Variants in LMBRD1 observed in about 807,000 individuals in gnomAD.
LMBRD1 encodes the protein lysosomal cobalamin transport escort protein LMBD1.
LMBRD1 carries 64 observed loss-of-function variants against 74.8 expected under a neutral mutation model. The ratio of observed to expected loss-of-function variants is 0.86; its 90% CI spans 0.70 to 1.05. The LOEUF is 1.05. LMBRD1 is among the 50% of genes least tolerant of loss of function. The probability of loss-of-function intolerance (pLI) is 0.00; values close to 1 mark genes in which losing one functional copy is unlikely to be tolerated. For synonymous variants in LMBRD1, 204 were observed against 216.3 expected (o/e 0.94, Z 0.50); for missense variants, 652 against 645.9 (o/e 1.01, Z -0.10).
At chr6:69,692,168 T>G (rs1765899024) in intron 14 of LMBRD1, among the ~76,000 whole-genome samples, 1 of 152,172 alleles carries the variant, frequency 6.6e-6, no homozygotes. Context: ...TACATAGGTT[T>G]CCATTTTAGC....
At chr6:69,767,172 T>C (rs1268272935) in intron 3 of LMBRD1, among the ~76,000 whole-genome samples, 2 of 151,770 alleles carry the variant, frequency 1.3e-5, no homozygotes, top group African/African-American at 4.8e-5. Context: ...CTACTTTGGT[T>C]TGAATTTTCT....
chr6:69,736,538 G>A (rs1322630925), intron 7 of LMBRD1, among the ~76,000 whole-genome samples: 2 of 151,990 alleles, frequency 1.3e-5, no homozygotes, highest in African/African-American at 4.8e-5. Flanking sequence ...TTACAAGTAG[G>A]GTAAATATCC....
At chr6:69,695,623 T>C (rs1414314130) in intron 14 of LMBRD1, among the ~76,000 whole-genome samples, 2 of 152,150 alleles carry the variant, frequency 1.3e-5, no homozygotes, top group African/African-American at 4.8e-5. Flanking sequence ...AAATAGTTGT[T>C]GTATTGCTTT....
Position 69,701,887 on chromosome 6 carries a change from A to C in LMBRD1, c.980+2T>G. ...TTTAGAAAATGTGTCTACTGTACTT[A>C]CTTTGACAAGAAGAGAGAAATTACA... On this transcript the variant is annotated splice_donor_variant, in intron 10 of 15. Coordinates refer to ENST00000649934, the MANE Select transcript of LMBRD1 (RefSeq NM_018368.4). LOFTEE classifies it high-confidence loss of function. The C allele has an allele frequency of 6.3e-7, 1 of 1,581,416 alleles. No individual in the cohort carries two copies. The highest frequency in any genetic ancestry group is 8.7e-7 in the Non-Finnish European group (1 of 1,151,234).
At position 69,699,162 on chromosome 6, in the gene LMBRD1, G is replaced by T. The variant is rs1364343999; in HGVS notation, c.1219C>A (p.Pro407Thr). 1.2e-6 allele frequency: 2 copies of T among 1,611,612 alleles called. No homozygotes were observed. Among genetic ancestry groups the T allele is most frequent in the Admixed American group, 1.7e-5 (1 of 59,916 alleles). ...LYKIRRGRTR[P>T]QALLFLCMIL... ...ATGCAGAGAAAAAGGAGTGCTTGGG[G>T]CCTGGTTCTACCTCTTCTGATTTTA... Residue 407 changes from proline (P) to threonine (T), a missense_variant, in exon 13 of 16, where the codon CCC (proline) becomes ACC (threonine). Pro to Thr is a conservative substitution (Grantham distance 38). Around this residue, in one of 3 missense-constraint regions of LMBRD1, gnomAD observed 598 missense variants for 581.8 expected, o/e 1.03. Coordinates refer to ENST00000649934, the MANE Select transcript of LMBRD1 (RefSeq NM_018368.4).
chr6:69,676,333 T>C (rs1765544555), intron 15 of LMBRD1, 62 bp from the exon 16 acceptor site: 1 of 1,588,478 alleles, frequency 6.3e-7, no homozygotes, highest in African/African-American at 1.4e-5. Context: ...AAAGTAATGC[T>C]TTAAAATTCA....
At chr6:69,772,397 T>A (rs1582146687) in intron 3 of LMBRD1, among the ~76,000 whole-genome samples, 1 of 152,098 alleles carries the variant, frequency 6.6e-6, no homozygotes, top group African/African-American at 2.4e-5. Flanking sequence ...TGTCTCAATC[T>A]CCAAAATCTG....
chr6:69,684,470 G>T (rs1199272240), intron 14 of LMBRD1, among the ~76,000 whole-genome samples: 1 of 152,000 alleles, frequency 6.6e-6, no homozygotes, highest in Non-Finnish European at 1.5e-5. Flanking sequence ...AATGAAAGTA[G>T]GAGATAATAT....
chr6:69,789,686 G>A (rs1766036567), intron 2 of LMBRD1, among the ~76,000 whole-genome samples: 1 of 151,926 alleles, frequency 6.6e-6, no homozygotes, highest in Non-Finnish European at 1.5e-5. Flanking sequence ...TAAATACTGG[G>A]GCTACAACAA....
chr6:69,789,281 T>C (rs2149897282), intron 2 of LMBRD1, among the ~76,000 whole-genome samples: 1 of 152,304 alleles, frequency 6.6e-6, no homozygotes, highest in Middle Eastern at 3.4e-3. Context: ...CCCAGCACTT[T>C]GGGAGGCTGG....
chr6:69,713,590 G>A (rs1766428189), intron 9 of LMBRD1, 55 bp downstream of exon 9: 2 of 1,558,024 alleles, frequency 1.3e-6, no homozygotes, highest in Admixed American at 1.7e-5. Flanking sequence ...TCTCCAAGAG[G>A]TACTACATAA....
chr6:69,726,049 A>G (rs1011730952), intron 7 of LMBRD1, among the ~76,000 whole-genome samples: 2 of 152,216 alleles, frequency 1.3e-5, no homozygotes, highest in Non-Finnish European at 2.9e-5. Context: ...AAAAAGCCTA[A>G]TAACCATATT....
rs138548481 is a variant in LMBRD1, at chr6:69,736,974, T to C, written c.636+968A>G. On this transcript the variant is annotated intron_variant, in intron 7 of 15. Coordinates refer to ENST00000649934, the MANE Select transcript of LMBRD1 (RefSeq NM_018368.4). ...AAAACACAAAAATTTCAATGAATAA[T>C]AAAACTGAGTACCCAAGTAAGCACC... Among the ~76,000 whole-genome samples, 125 of 152,276 alleles carry C rather than the reference T, an allele frequency of 8.2e-4. No individual in the cohort carries two copies. The East Asian group carries it at 0.02, about 25-fold the overall frequency.
rs140138805 is a variant in LMBRD1 at position 69,674,367 on chromosome 6, G to A, written c.*1791C>T. Among the ~76,000 whole-genome samples the A allele has an allele frequency of 5.4e-4, 82 of 152,264 alleles. No individual in the cohort carries two copies. The East Asian group carries it at 0.012, about 23-fold the overall frequency. On this transcript the variant is annotated 3_prime_UTR_variant, in exon 16 of 16. Coordinates refer to ENST00000649934, the MANE Select transcript of LMBRD1 (RefSeq NM_018368.4). ...CAATTCAGCCTATAACATAGAAAGT[G>A]GAGAAGAAGGGACAAATGGAAAGAT...
intron 2 of LMBRD1, among the ~76,000 whole-genome samples, chr6:69,786,720 T>C (rs1277816495): frequency 6.6e-6 from 1 of 152,146 alleles, no homozygotes; most frequent in African/African-American, 2.4e-5. Context: ...TCAGGCATTA[T>C]AATATACCCC....
At chr6:69,745,537 C>T (rs912318330) in intron 5 of LMBRD1, among the ~76,000 whole-genome samples, 4 of 152,118 alleles carry the variant, frequency 2.6e-5, no homozygotes, top group Non-Finnish European at 5.9e-5. Flanking sequence ...GGATTACAGG[C>T]GTGAGCCACC....
chr6:69,701,961 C>CA lies in LMBRD1; in HGVS notation c.916-9dup. The CA allele has an allele frequency of 6.5e-7, 1 of 1,533,572 alleles. No homozygotes were observed. Among genetic ancestry groups the CA allele is most frequent in the Non-Finnish European group, 9.0e-7 (1 of 1,108,270 alleles). 95.0% of individuals were successfully genotyped at this position (1,533,572 alleles called of 1,614,324 possible). On this transcript the variant is annotated splice_polypyrimidine_tract_variant and intron_variant, in intron 9 of 15. Coordinates refer to ENST00000649934, the MANE Select transcript of LMBRD1 (RefSeq NM_018368.4). Reference sequence around the variant, plus strand: ...AAATATTCCCCAGACGATCTAAAAGCAAAAATATATTCATTAAAATATAGT... The same window carrying CA: ...AAATATTCCCCAGACGATCTAAAAGCAAAAAATATATTCATTAAAATATAGT...
chr6:69,693,536 CTG>C lies in LMBRD1; in HGVS notation c.1417+4025_1417+4026del, dbSNP rs1765933003. On this transcript the variant is annotated intron_variant, in intron 14 of 15. Transcript: ENST00000649934. ...CTCAGAAAGAATTTTAATTTTAACA[CTG>C]AAAATTAAAATTTTTGTTTTTAAAT... Among the ~76,000 whole-genome samples, 7 of 152,060 alleles carry C rather than the reference CTG, an allele frequency of 4.6e-5. No individual in the cohort carries two copies. The South Asian group carries it at 1.2e-3, about 27-fold the overall frequency.
chr6:69,677,170 G>A (rs1325735174), intron 14 of LMBRD1, among the ~76,000 whole-genome samples: 3 of 152,168 alleles, frequency 2.0e-5, no homozygotes, highest in African/African-American at 7.2e-5. Flanking sequence ...GCTAAGAATA[G>A]AGAGTAATTG....
Sources: allele counts gnomAD v4.1 joint callset (sites outside exome capture counted in the v4.1 genomes callset), GRCh38; gene constraint gnomAD v4.1.1; regional missense constraint gnomAD v4.1.1; transcripts MANE v1.5; gene names NCBI Gene and HGNC (gene_info 2026-07-23, HGNC 2026-07-21).